ARHGAP19: variants seen among roughly 807,000 people sequenced by gnomAD.
The protein encoded by ARHGAP19 is Rho GTPase activating protein 19, also known as rho GTPase-activating protein 19.
ARHGAP19 carries 48 observed loss-of-function variants against 60.9 expected under a neutral mutation model. The ratio of observed to expected loss-of-function variants is 0.79; its 90% confidence interval spans 0.62 to 1.00. The LOEUF is 1.00. Ranked by LOEUF, ARHGAP19 falls within the 50% of genes least tolerant of loss-of-function variation. The probability of loss-of-function intolerance (pLI) is 0.00; values close to 1 mark genes in which losing one functional copy is unlikely to be tolerated. For missense variants in ARHGAP19, 562 were observed against 597.2 expected, an observed-to-expected ratio of 0.94 and a Z score of 0.61; for synonymous variants, 209 against 215.5, an observed-to-expected ratio of 0.97 and a Z score of 0.27.
At chr10:97,231,594 A>G (rs534842544) in intron 9 of ARHGAP19, among the ~76,000 whole-genome samples, 73 of 152,310 alleles carry the variant, frequency 4.8e-4, no homozygotes, top group African/African-American at 1.7e-3. Flanking sequence ...TTCTCTTAGC[A>G]TAATATCTTC....
At chr10:97,286,168 T>TCAGATATTTAAAC (rs150222896) in intron 1 of ARHGAP19, among the ~76,000 whole-genome samples, 6,689 of 152,320 alleles carry the variant, frequency 0.044, 206 homozygotes, top group Non-Finnish European at 0.061. Flanking sequence ...AAAACTAGAT[T>TCAGATATTTAAAC]CAGGTTTTCT....
At chr10:97,288,804 CTCTCCT>C (rs1843189669) in intron 1 of ARHGAP19, among the ~76,000 whole-genome samples, 1 of 146,710 alleles carries the variant, frequency 6.8e-6, no homozygotes. Flanking sequence ...CCCCAAACTT[CTCTCCT>C]TTTTTTTTTT....
At chr10:97,229,057 G>A (rs558766894) in intron 11 of ARHGAP19, 90 bp downstream of exon 11, 11 of 1,261,932 alleles carry the variant, frequency 8.7e-6, no homozygotes, top group Non-Finnish European at 1.0e-5. Context: ...GACTACAAAT[G>A]TACTATCCTG....
At chr10:97,289,391 G>A (rs978737636) in intron 1 of ARHGAP19, among the ~76,000 whole-genome samples, 1 of 152,086 alleles carries the variant, frequency 6.6e-6, no homozygotes, top group Non-Finnish European at 1.5e-5. Flanking sequence ...TAGGATTACA[G>A]GTGTGAGCCA....
intron 4 of ARHGAP19, among the ~76,000 whole-genome samples, chr10:97,260,254 G>C (rs1225505511): frequency 1.3e-5 from 2 of 150,830 alleles, no homozygotes; most frequent in African/African-American, 4.9e-5. Context: ...AATCAGGCCG[G>C]GCACAGTGGC....
intron 6 of ARHGAP19, among the ~76,000 whole-genome samples, chr10:97,251,169 GGGGAA>G (rs1842641577): frequency 1.9e-5 from 2 of 104,374 alleles, no homozygotes; most frequent in Non-Finnish European, 1.9e-5. Context: ...GGGAAGGGAA[GGGGAA>G]GGGAAAGGGA....
In ARHGAP19 at chr10:97,257,124, A is replaced by C. The variant is rs1042013500; in HGVS notation, c.841-720T>G. ...CGACAAAGCAAGACTCTGTCTCAAA[A>C]AAACAAACAAACAAACAAACAAAAA... On this transcript the variant is annotated intron_variant, in intron 5 of 11. Coordinates refer to ENST00000358531, the MANE Select transcript of ARHGAP19 (RefSeq NM_032900.6). Among the ~76,000 whole-genome samples the C allele has an allele frequency of 3.3e-5, 5 of 152,070 alleles. 1 individual carries two copies. Among genetic ancestry groups the C allele is most frequent in the Non-Finnish European group, 5.9e-5 (4 of 68,018 alleles).
intron 9 of ARHGAP19, among the ~76,000 whole-genome samples, chr10:97,230,841 G>C (rs542342617): frequency 6.6e-6 from 1 of 152,092 alleles, no homozygotes; most frequent in African/African-American, 2.4e-5. Flanking sequence ...TGAGGCGGGT[G>C]AATCGCTGGA....
chr10:97,282,839 C>CTTTTTTTTTTTTTTTTTT (rs56387291), intron 1 of ARHGAP19, among the ~76,000 whole-genome samples: 2 of 90,994 alleles, frequency 2.2e-5, no homozygotes, highest in African/African-American at 7.5e-5. Flanking sequence ...TTTCTTTTTT[C>CTTTTTTTTTTTTTTTTTT]TTTTTTTTTT....
intron 1 of ARHGAP19, among the ~76,000 whole-genome samples, chr10:97,288,512 C>A (rs968442187): frequency 6.7e-6 from 1 of 149,218 alleles, no homozygotes; most frequent in African/African-American, 2.5e-5. Flanking sequence ...CTCGGGGGGG[C>A]AGAGGTTGCA....
At chr10:97,252,279 A>C (rs1199830048) in intron 6 of ARHGAP19, among the ~76,000 whole-genome samples, 3 of 151,404 alleles carry the variant, frequency 2.0e-5, no homozygotes, top group Non-Finnish European at 2.9e-5. Context: ...GTGAGCTGTG[A>C]TCATGCCACC....
intron 4 of ARHGAP19, among the ~76,000 whole-genome samples, chr10:97,259,849 T>TGTTTTG (rs11372830): frequency 6.8e-6 from 1 of 147,996 alleles, no homozygotes; most frequent in Non-Finnish European, 1.5e-5. Context: ...TGTTTTGTTT[T>TGTTTTG]TTTTGAGACA....
intron 8 of ARHGAP19, among the ~76,000 whole-genome samples, chr10:97,237,085 C>A (rs142365085): frequency 5.3e-5 from 8 of 151,196 alleles, no homozygotes; most frequent in Non-Finnish European, 7.4e-5. Context: ...GGCAACATGG[C>A]GAAACCCTGT....
At chr10:97,281,878 GC>G (rs1377961283) in intron 1 of ARHGAP19, among the ~76,000 whole-genome samples, 1 of 152,130 alleles carries the variant, frequency 6.6e-6, no homozygotes, top group African/African-American at 2.4e-5. Context: ...TACTTAAGGT[GC>G]TTTTTGGTTT....
intron 5 of ARHGAP19, 68 bp downstream of exon 5, chr10:97,259,334 G>A (rs760439882): frequency 1.6e-6 from 2 of 1,223,182 alleles, no homozygotes; most frequent in East Asian, 2.3e-5. Flanking sequence ...TCTCACCAAT[G>A]TACAGCCATA....
At chr10:97,246,218 C>A in intron 7 of ARHGAP19, 54 bp downstream of exon 7, 1 of 1,438,926 alleles carries the variant, frequency 6.9e-7, no homozygotes, top group Non-Finnish European at 9.8e-7. Flanking sequence ...TTTTAAGACT[C>A]CACAAATCTT....
At chr10:97,278,340 G>C (rs1843044372) in intron 1 of ARHGAP19, among the ~76,000 whole-genome samples, 1 of 152,150 alleles carries the variant, frequency 6.6e-6, no homozygotes, top group Non-Finnish European at 1.5e-5. Flanking sequence ...TATTTTAAAT[G>C]GTTGCTGCTT....
intron 4 of ARHGAP19, among the ~76,000 whole-genome samples, chr10:97,260,253 G>C (rs1321463836): frequency 1.3e-5 from 2 of 150,978 alleles, no homozygotes; most frequent in African/African-American, 4.9e-5. Context: ...AAATCAGGCC[G>C]GGCACAGTGG....
In ARHGAP19 at chr10:97,225,521, A is replaced by G. The variant is rs1564708064; in HGVS notation, c.*601T>C. The G allele has an allele frequency of 6.6e-6, 1 of 152,378 alleles. No homozygotes were observed. Among genetic ancestry groups the G allele is most frequent in the East Asian group, 1.9e-4 (1 of 5,194 alleles). 9.4% of individuals were successfully genotyped at this position (152,378 alleles called of 1,614,324 possible). A position where few individuals can be genotyped will look rare whatever the true frequency, so the allele number is the denominator to read the frequency against. On this transcript the variant is annotated 3_prime_UTR_variant, in exon 12 of 12. Coordinates refer to ENST00000358531, the MANE Select transcript of ARHGAP19 (RefSeq NM_032900.6). ...TAAAAAATGTCCAGAAAAGCTATAA[A>G]TTCTTTGGACACAAATTAGGTATTG...
Sources: gnomAD v4.1 joint callset for allele counts (sites outside exome capture counted in the v4.1 genomes callset) on GRCh38, gnomAD v4.1.1 for gene constraint, MANE v1.5 for transcripts, NCBI Gene and HGNC (gene_info 2026-07-23, HGNC 2026-07-21) for gene names.